The following CD2AP variants were observed in gnomAD, a reference collection of about 807,000 sequenced individuals.
The protein encoded by CD2AP is CD2-associated protein.
In CD2AP, 46 loss-of-function variants were observed where a neutral mutation model predicts 85.1. The ratio of observed to expected loss-of-function variants is 0.54; its 90% CI spans 0.43 to 0.69. CD2AP has a LOEUF of 0.69. Ranked by LOEUF, CD2AP falls within the 30% of genes least tolerant of loss-of-function variation. The pLI, the probability that CD2AP is intolerant of heterozygous loss-of-function variation, is 0.00. For missense variants in CD2AP, 769 were observed against 729.5 expected (o/e 1.05, Z -0.62); for synonymous variants, 255 against 252.9 (o/e 1.01, Z -0.08).
chr6:47,586,899 TA>T (rs2114115679), intron 11 of CD2AP, among the ~76,000 whole-genome samples: 1 of 152,236 alleles, frequency 6.6e-6, no homozygotes, highest in South Asian at 2.1e-4. Context: ...TTTTTGTATA[TA>T]GGTTAAACAA....
Position 47,620,801 on chromosome 6 carries a change from T to A in CD2AP, c.1879-3385T>A, listed in dbSNP as rs991916017. Among the ~76,000 whole-genome samples the A allele has an allele frequency of 2.0e-5, 3 of 152,178 alleles. No homozygotes were observed. In the East Asian group the frequency reaches 5.8e-4, roughly 29 times the overall value. ...ATTCCTAAGTATTTTATTTTATTTT[T>A]TTGCAGATACTGTAAAAGGGGTTGA... is the stretch of plus-strand genomic sequence containing the variant. On this transcript the variant is annotated intron_variant, in intron 17 of 17. Coordinates refer to ENST00000359314, the MANE Select transcript of CD2AP (RefSeq NM_012120.3).
intron 1 of CD2AP, among the ~76,000 whole-genome samples, chr6:47,495,128 A>C (rs551183285): frequency 1.3e-5 from 2 of 152,186 alleles, no homozygotes; most frequent in African/African-American, 2.4e-5. Context: ...ACTCCATTGC[A>C]CTCCAGCCTG....
chr6:47,481,045 C>T (rs1338944597), intron 1 of CD2AP, among the ~76,000 whole-genome samples: 2 of 152,076 alleles, frequency 1.3e-5, no homozygotes, highest in Non-Finnish European at 2.9e-5. Context: ...TTGAGGTATT[C>T]TGTGTGAAAG....
rs557504236 is a variant in CD2AP at position 47,560,979 on chromosome 6, C to T, written c.541+6213C>T. Among the ~76,000 whole-genome samples the T allele has an allele frequency of 2.0e-4, 30 of 152,102 alleles. No homozygotes were observed. The East Asian group carries it at 4.4e-3, about 23-fold the overall frequency. On this transcript the variant is annotated intron_variant, in intron 5 of 17. Transcript: ENST00000359314. Reference sequence around the variant, plus strand: ...CTAAAGACAAACTTTTGTCTTTCTCCGGTTTATGTATTTATCAGTGTGGGC... The same window carrying T: ...CTAAAGACAAACTTTTGTCTTTCTCTGGTTTATGTATTTATCAGTGTGGGC...
At chr6:47,623,321 C>T (rs1180374806) in intron 17 of CD2AP, among the ~76,000 whole-genome samples, 1 of 152,172 alleles carries the variant, frequency 6.6e-6, no homozygotes, top group Non-Finnish European at 1.5e-5. Flanking sequence ...GTGATGCCAT[C>T]AGGATAAGGC....
intron 13 of CD2AP, among the ~76,000 whole-genome samples, chr6:47,602,728 GA>G (rs778781978): frequency 0.094 from 12,495 of 133,292 alleles, 499 homozygotes; most frequent in South Asian, 0.14. Context: ...TGTCTCTACA[GA>G]AAAAAAAAAA....
At chr6:47,562,343 A>G (rs1767885124) in intron 5 of CD2AP, among the ~76,000 whole-genome samples, 1 of 152,228 alleles carries the variant, frequency 6.6e-6, no homozygotes, top group Admixed American at 6.5e-5. Flanking sequence ...ATGTTACTTT[A>G]CATAGTCATA....
In CD2AP at chr6:47,595,941, A is replaced by G. The variant is rs1379497991; in HGVS notation, c.1189A>G (p.Lys397Glu). The change falls in exon 12 of 18, where the codon AAA (lysine) becomes GAA (glutamate). Residue 397 changes from lysine (K) to glutamate (E), a missense_variant. Lys to Glu is a moderately conservative substitution (Grantham distance 56, BLOSUM62 1). Transcript: ENST00000359314. The stretch of plus-strand genomic sequence containing the variant: ...ACCCAAGAAACCTACTCCACCTACC[A>G]AAGCCAGTAATTTACTGAGATCTTC... ...VPPKKPTPPT[K>E]ASNLLRSSGT... 1.2e-6 allele frequency: 2 copies of G among 1,612,654 alleles called. No individual in the cohort carries two copies. The highest frequency in any genetic ancestry group is 2.7e-5 in the African/African-American group (2 of 74,848).
intron 5 of CD2AP, among the ~76,000 whole-genome samples, chr6:47,568,438 G>A (rs551066856): frequency 6.6e-6 from 1 of 152,024 alleles, no homozygotes; most frequent in Non-Finnish European, 1.5e-5. Flanking sequence ...AGTACTTTAG[G>A]TGGTATAAGA....
chr6:47,608,295 A>C (rs1300296489), intron 15 of CD2AP, among the ~76,000 whole-genome samples: 1 of 152,166 alleles, frequency 6.6e-6, no homozygotes, highest in Non-Finnish European at 1.5e-5. Context: ...TCGTTTCTCC[A>C]TTAAACATAC....
chr6:47,510,729 G>A (rs979284508), intron 2 of CD2AP, among the ~76,000 whole-genome samples: 28 of 151,874 alleles, frequency 1.8e-4, no homozygotes, highest in Admixed American at 5.9e-4. Flanking sequence ...TTCCTTTTCC[G>A]CACACCCCCT....
chr6:47,504,720 A>C (rs1368062404), intron 2 of CD2AP, among the ~76,000 whole-genome samples: 2 of 152,226 alleles, frequency 1.3e-5, no homozygotes, highest in Admixed American at 1.3e-4. Context: ...GACCACCACA[A>C]TAGAGCAAAT....
intron 2 of CD2AP, among the ~76,000 whole-genome samples, chr6:47,521,445 G>T (rs577061929): frequency 2.0e-5 from 3 of 152,036 alleles, no homozygotes; most frequent in Non-Finnish European, 4.4e-5. Flanking sequence ...CCAGCTACTC[G>T]GGAGGCTGAG....
chr6:47,574,031 G>A (rs770034676), intron 5 of CD2AP, 33 bp from the exon 6 acceptor site: 1 of 1,575,638 alleles, frequency 6.3e-7, no homozygotes, highest in South Asian at 1.1e-5. Flanking sequence ...GTGATTCTAG[G>A]TGTCATTCTT....
chr6:47,577,185 G>A, intron 8 of CD2AP, 82 bp downstream of exon 8: 1 of 777,712 alleles, frequency 1.3e-6, no homozygotes, highest in South Asian at 1.5e-5. Context: ...ACCCTAGAGT[G>A]TTCTTATATT....
In CD2AP at chr6:47,599,204, G is replaced by A. The variant is rs546502509; in HGVS notation, c.1275-97G>A. On this transcript the variant is annotated intron_variant, in intron 12 of 17. Coordinates refer to ENST00000359314, the MANE Select transcript of CD2AP (RefSeq NM_012120.3). ...GGTTTTACAGAACAGAAAGTAATCG[G>A]TATTAGGCCATACAATCTTTAATGT... 4 of 961,128 alleles carry A rather than the reference G, an allele frequency of 4.2e-6. No homozygotes were observed. The African/African-American group carries it at 4.9e-5, about 12-fold the overall frequency. The allele number at this position is 961,128 out of a possible 1,614,324, so 59.5% of individuals were successfully genotyped here.
chr6:47,566,433 T>G (rs977037390), intron 5 of CD2AP, among the ~76,000 whole-genome samples: 1 of 151,700 alleles, frequency 6.6e-6, no homozygotes. Flanking sequence ...TTGTGGTATA[T>G]GTAGAACTTT....
intron 3 of CD2AP, among the ~76,000 whole-genome samples, chr6:47,539,632 T>A (rs1397812372): frequency 6.6e-6 from 1 of 152,234 alleles, no homozygotes; most frequent in Non-Finnish European, 1.5e-5. Context: ...GATGGATTAT[T>A]TAACTTTTTA....
At chr6:47,532,744 G>T (rs1035347797) in intron 2 of CD2AP, among the ~76,000 whole-genome samples, 6 of 151,994 alleles carry the variant, frequency 3.9e-5, no homozygotes, top group African/African-American at 1.4e-4. Context: ...CTTTTGTTCT[G>T]TATAAATTTA....
Sources: allele counts gnomAD v4.1 joint callset (sites outside exome capture counted in the v4.1 genomes callset), GRCh38; gene constraint gnomAD v4.1.1; transcripts MANE v1.5; gene names NCBI Gene and HGNC (gene_info 2026-07-23, HGNC 2026-07-21).